The following MAGT1 variants were observed in gnomAD, a reference collection of about 807,000 sequenced individuals.
MAGT1 encodes magnesium transporter 1.
A neutral mutation model predicts 28.4 loss-of-function variants in MAGT1; 4 were observed. The observed-to-expected ratio is 0.14, with a 90% CI of 0.07 to 0.32. The LOEUF is 0.32. Among genes scored for constraint, MAGT1 ranks in the 10% least tolerant of loss-of-function variants. The pLI is 1.00. For synonymous variants in MAGT1, 89 were observed against 89.7 expected (o/e 0.99, Z 0.04); for missense variants, 193 against 264.5 (o/e 0.73, Z 1.88).
chrX:77,844,193 A>T lies in MAGT1; in HGVS notation c.827-2873T>A, dbSNP rs782694688. The stretch of plus-strand genomic sequence containing the variant: ...TAGACATGAGAGGGTGTATGTGTCC[A>T]GGAATTTATCAATTTCTTCTAGATT... On this transcript the variant is annotated intron_variant, in intron 7 of 9. Coordinates refer to ENST00000618282, the MANE Select transcript of MAGT1 (RefSeq NM_001367916.1). Among the ~76,000 whole-genome samples the T allele has an allele frequency of 5.4e-5, 6 of 112,046 alleles. No individual in the cohort carries two copies. The East Asian group carries it at 1.7e-3, about 31-fold the overall frequency.
chrX:77,869,273 C>G (rs1203898790), intron 3 of MAGT1, among the ~76,000 whole-genome samples: 1 of 111,383 alleles, frequency 9.0e-6, no homozygotes, highest in Admixed American at 9.7e-5. Context: ...CCTTGGCCTC[C>G]CAAAGTGCTG....
chrX:77,836,006 T>C (rs996537444), intron 8 of MAGT1, among the ~76,000 whole-genome samples: 1 of 111,111 alleles, frequency 9.0e-6, no homozygotes, highest in African/African-American at 3.3e-5. Context: ...TTTTACCACG[T>C]TGGCCAGGGT....
chrX:77,866,259 C>T lies in MAGT1; in HGVS notation c.390+4549G>A, dbSNP rs1365989219. ...AGGAATTCTGGCTTCAGTCTATACA[C>T]TACTCCTTTCAAAAGTGTGTTCTAT... On this transcript the variant is annotated intron_variant, in intron 3 of 9. Coordinates refer to ENST00000618282, the MANE Select transcript of MAGT1 (RefSeq NM_001367916.1). Among the ~76,000 whole-genome samples the T allele has an allele frequency of 6.0e-5, 4 of 66,454 alleles. 1 individual carries two copies. The highest frequency in any genetic ancestry group is 8.1e-5 in the Non-Finnish European group (2 of 24,628). The allele number at this position is 66,454 out of a possible 115,157, so 57.7% of individuals were successfully genotyped here.
chrX:77,863,447 G>A (rs1467328832), intron 3 of MAGT1, among the ~76,000 whole-genome samples: 1 of 103,394 alleles, frequency 9.7e-6, no homozygotes, highest in Non-Finnish European at 2.0e-5. Context: ...CCCGGGAGGC[G>A]GAGCTTGTAG....
chrX:77,872,513 G>C, intron 2 of MAGT1, among the ~76,000 whole-genome samples: 1 of 111,868 alleles, frequency 8.9e-6, no homozygotes, highest in Admixed American at 9.6e-5. Flanking sequence ...AATACATCTA[G>C]TTTTTATCTA....
At chrX:77,862,447 T>C (rs2076997071) in intron 3 of MAGT1, among the ~76,000 whole-genome samples, 1 of 111,784 alleles carries the variant, frequency 8.9e-6, no homozygotes, top group Admixed American at 9.6e-5. Flanking sequence ...ATTTACAAAC[T>C]ATTCATTCAA....
chrX:77,865,495 G>A (rs2077006359), intron 3 of MAGT1, among the ~76,000 whole-genome samples: 1 of 108,019 alleles, frequency 9.3e-6, no homozygotes, highest in African/African-American at 3.4e-5. Context: ...GGGTTTCACC[G>A]TGTTAGCCAG....
intron 7 of MAGT1, among the ~76,000 whole-genome samples, chrX:77,852,391 TA>T (rs1193679707): frequency 1.8e-5 from 2 of 112,068 alleles, no homozygotes; most frequent in African/African-American, 3.2e-5. Context: ...AAAAGCTTAA[TA>T]TTTTTTTAGA....
chrX:77,847,188 T>C (rs1362452381), intron 7 of MAGT1, among the ~76,000 whole-genome samples: 2 of 112,353 alleles, frequency 1.8e-5, no homozygotes, highest in African/African-American at 6.5e-5. Context: ...CAGACTGCTG[T>C]GCTAGCAATG....
intron 7 of MAGT1, among the ~76,000 whole-genome samples, chrX:77,850,855 T>G (rs1557215456): frequency 8.9e-6 from 1 of 112,249 alleles, no homozygotes; most frequent in Non-Finnish European, 1.9e-5. Context: ...TTAATTGCTC[T>G]TTTGCTCCAT....
intron 1 of MAGT1, among the ~76,000 whole-genome samples, chrX:77,881,061 G>C (rs2077050914): frequency 1.8e-5 from 2 of 109,156 alleles, no homozygotes; most frequent in African/African-American, 6.6e-5. Context: ...CTGTGGGAGA[G>C]AATGAACCAG....
chrX:77,876,523 T>G (rs1399241468), intron 1 of MAGT1, among the ~76,000 whole-genome samples: 3 of 110,457 alleles, frequency 2.7e-5, no homozygotes, highest in Non-Finnish European at 5.7e-5. Context: ...ATTAAGACAG[T>G]GTGGTACAGA....
intron 8 of MAGT1, among the ~76,000 whole-genome samples, chrX:77,836,069 G>A (rs1471353795): frequency 9.0e-6 from 1 of 111,540 alleles, no homozygotes; most frequent in Non-Finnish European, 1.9e-5. Context: ...CTCCCAAAGT[G>A]CTGGGATTAC....
At chrX:77,887,013 C>G in intron 1 of MAGT1, among the ~76,000 whole-genome samples, 1 of 111,940 alleles carries the variant, frequency 8.9e-6, no homozygotes. Context: ...TTAATACTTC[C>G]TAGACACTTC....
intron 1 of MAGT1, among the ~76,000 whole-genome samples, chrX:77,881,525 T>C (rs1177208466): frequency 1.9e-5 from 2 of 107,245 alleles, no homozygotes; most frequent in African/African-American, 6.8e-5. Flanking sequence ...TTAGGTTTTT[T>C]GTCCTTGCGA....
chrX:77,832,694 G>A (rs893567748), intron 8 of MAGT1, among the ~76,000 whole-genome samples: 8 of 108,792 alleles, frequency 7.4e-5, no homozygotes, highest in Non-Finnish European at 9.5e-5. Context: ...TTAGCCAGGC[G>A]TGGCGGCAGG....
chrX:77,855,439 A>G, intron 6 of MAGT1, 62 bp downstream of exon 6: 2 of 813,748 alleles, frequency 2.5e-6, no homozygotes, highest in Non-Finnish European at 3.7e-6. Context: ...CTGTTCTCAC[A>G]GGGTAATAAT....
chrX:77,889,374 A>ATTTTT (rs1290783511), intron 1 of MAGT1, among the ~76,000 whole-genome samples: 1 of 98,993 alleles, frequency 1.0e-5, no homozygotes. Flanking sequence ...ATATATATAT[A>ATTTTT]TATTTTTTTT....
At chrX:77,881,481 T>C (rs1399372441) in intron 1 of MAGT1, among the ~76,000 whole-genome samples, 1 of 98,322 alleles carries the variant, frequency 1.0e-5, no homozygotes, top group African/African-American at 3.8e-5. Context: ...GTTCTCACTG[T>C]TCAATTCCCA....
Sources: gnomAD v4.1 joint callset for allele counts (sites outside exome capture counted in the v4.1 genomes callset) on GRCh38, gnomAD v4.1.1 for gene constraint, MANE v1.5 for transcripts, NCBI Gene and HGNC (gene_info 2026-07-23, HGNC 2026-07-21) for gene names.